SLC27A6: variants seen among roughly 807,000 people sequenced by gnomAD.
SLC27A6 encodes solute carrier family 27 member 6.
SLC27A6 carries 74 observed loss-of-function variants against 63.9 expected under a neutral mutation model. The observed-to-expected ratio is 1.16, with a 90% confidence interval of 0.96 to 1.40. The LOEUF (loss-of-function observed/expected upper bound fraction) is 1.40, where lower values mean the gene tolerates loss of function less well. SLC27A6 is among the 40% of genes most tolerant of loss of function. SLC27A6 has a pLI of 0.00. For missense variants in SLC27A6, 794 were observed against 732.9 expected, an observed-to-expected ratio of 1.08 and a Z score of -0.96; for synonymous variants, 287 against 260.8, an observed-to-expected ratio of 1.10 and a Z score of -0.97.
At chr5:129,020,862 T>A (rs1163671742) in intron 5 of SLC27A6, among the ~76,000 whole-genome samples, 1 of 152,030 alleles carries the variant, frequency 6.6e-6, no homozygotes, top group Non-Finnish European at 1.5e-5. Flanking sequence ...CCCAGGGATG[T>A]CATATGTAAG....
chr5:129,029,952 A>G (rs964795001), intron 9 of SLC27A6, among the ~76,000 whole-genome samples: 1 of 152,004 alleles, frequency 6.6e-6, no homozygotes, highest in Non-Finnish European at 1.5e-5. Context: ...TCAGGACCTC[A>G]GAGCAAAATG....
chr5:129,010,093 C>G (rs1190234033), intron 4 of SLC27A6, among the ~76,000 whole-genome samples: 1 of 152,144 alleles, frequency 6.6e-6, no homozygotes, highest in Non-Finnish European at 1.5e-5. Flanking sequence ...CAAATGTGAA[C>G]AAGATTCTGA....
chr5:129,030,838 G>T (rs76895120), intron 9 of SLC27A6, among the ~76,000 whole-genome samples: 1 of 151,866 alleles, frequency 6.6e-6, no homozygotes, highest in Non-Finnish European at 1.5e-5. Context: ...ATATGTGTGC[G>T]TATATTTTCT....
chr5:128,986,994 A>G (rs1750811664), intron 2 of SLC27A6, among the ~76,000 whole-genome samples: 1 of 152,190 alleles, frequency 6.6e-6, no homozygotes, highest in African/African-American at 2.4e-5. Context: ...TTGTTTAAGA[A>G]GGAACTATAG....
At chr5:129,002,245 G>A (rs1206426691) in intron 4 of SLC27A6, among the ~76,000 whole-genome samples, 1 of 152,210 alleles carries the variant, frequency 6.6e-6, no homozygotes, top group Non-Finnish European at 1.5e-5. Flanking sequence ...ATGTGTGTAT[G>A]CAAACATATA....
In SLC27A6 at chr5:129,018,718, A is replaced by G. The variant is rs549422997; in HGVS notation, c.1164+2639A>G. Among the ~76,000 whole-genome samples the G allele has an allele frequency of 6.6e-5, 10 of 152,188 alleles. No individual in the cohort carries two copies. In the South Asian group the frequency reaches 1.7e-3, roughly 25 times the overall value. On this transcript the variant is annotated intron_variant, in intron 5 of 9. Coordinates refer to ENST00000262462, the MANE Select transcript of SLC27A6 (RefSeq NM_001017372.3). ...GGTATGATGATTTGTATTTTATATT[A>G]CTGACTTTATTATAATTTTCTAATG...
intron 5 of SLC27A6, 41 bp downstream of exon 5, chr5:129,016,120 C>A (rs574902461): frequency 1.4e-6 from 2 of 1,431,648 alleles, no homozygotes; most frequent in Admixed American, 2.2e-5. Context: ...TACATCGGTG[C>A]GGTGGCTCAT....
At chr5:129,021,986 C>G (rs1752089429) in intron 5 of SLC27A6, among the ~76,000 whole-genome samples, 2 of 152,096 alleles carry the variant, frequency 1.3e-5, no homozygotes, top group Non-Finnish European at 2.9e-5. Flanking sequence ...AAAAACAAAG[C>G]ATGTTAAAAC....
At chr5:129,030,193 T>A (rs965072177) in intron 9 of SLC27A6, among the ~76,000 whole-genome samples, 6 of 152,102 alleles carry the variant, frequency 3.9e-5, no homozygotes, top group Middle Eastern at 3.4e-3. Context: ...AAATTCTGAG[T>A]TTATTTATTT....
chr5:129,027,074 T>C (rs1034714403), intron 6 of SLC27A6, 59 bp from the exon 7 acceptor site: 2 of 1,328,282 alleles, frequency 1.5e-6, no homozygotes, highest in Middle Eastern at 1.8e-4. Context: ...GATACATTCA[T>C]GGTGTGTGTA....
chr5:128,997,280 A>G (rs1309735275), intron 4 of SLC27A6, among the ~76,000 whole-genome samples: 2 of 152,158 alleles, frequency 1.3e-5, no homozygotes, highest in Non-Finnish European at 2.9e-5. Context: ...AGACATTTAT[A>G]TATTTTTTAT....
chr5:129,010,297 A>T (rs1751687701), intron 4 of SLC27A6, among the ~76,000 whole-genome samples: 1 of 152,198 alleles, frequency 6.6e-6, no homozygotes, highest in African/African-American at 2.4e-5. Context: ...AAAAAAATAC[A>T]AATTACAAAT....
At chr5:128,993,627 A>T (rs1468216074) in intron 4 of SLC27A6, among the ~76,000 whole-genome samples, 1 of 152,128 alleles carries the variant, frequency 6.6e-6, no homozygotes, top group Non-Finnish European at 1.5e-5. Flanking sequence ...TAATAAAGGT[A>T]TTAATAGTTT....
intron 1 of SLC27A6, among the ~76,000 whole-genome samples, chr5:128,980,902 C>A (rs1188730976): frequency 6.6e-6 from 1 of 152,044 alleles, no homozygotes; most frequent in African/African-American, 2.4e-5. Context: ...ATAACTCATA[C>A]TAATGGCATA....
At position 128,988,744 on chromosome 5, in the gene SLC27A6, G is replaced by A. The variant is rs773725907; in HGVS notation, c.830G>A (p.Gly277Glu). Residue 277 changes from glycine to glutamate, a missense_variant, in exon 3 of 10, where the codon GGA becomes GAA. Transcript: ENST00000262462. ...TCAGCAGCTATCCTGGGAATTTCTG[G>A]ATGTGTTGAGTTGGGTAAGGCTTTA... ...HSSAAILGIS[G>E]CVELGATCVL... The A allele has an allele frequency of 6.2e-7, 1 of 1,612,186 alleles. No individual in the cohort carries two copies. Among genetic ancestry groups the A allele is most frequent in the South Asian group, 1.1e-5 (1 of 90,350 alleles).
rs760790116 is a variant in SLC27A6 at position 128,988,685 on chromosome 5, C to T, written c.771C>T (p.Asp257=). 6.2e-7 allele frequency: 1 copy of T among 1,613,710 alleles called. No homozygotes were observed. ...GGGCTTTTGGTTGTACTGCTCATGA[C>T]ATTGTTTATATAACCCTTCCTCTGT... ...VLWAFGCTAH[D]IVYITLPLYH... The change falls in exon 3 of 10, where the codon GAC becomes GAT. Residue 257 remains aspartate, a synonymous_variant. Transcript: ENST00000262462.
intron 4 of SLC27A6, among the ~76,000 whole-genome samples, chr5:128,991,389 A>C (rs1750977257): frequency 6.6e-6 from 1 of 152,176 alleles, no homozygotes; most frequent in Non-Finnish European, 1.5e-5. Flanking sequence ...TGCGTGCAAT[A>C]CCCCAAGATA....
intron 1 of SLC27A6, among the ~76,000 whole-genome samples, chr5:128,968,588 T>C (rs1750004824): frequency 6.6e-6 from 1 of 152,204 alleles, no homozygotes; most frequent in African/African-American, 2.4e-5. Flanking sequence ...TCATATCCTT[T>C]GCCCACTTTT....
Position 129,023,618 on chromosome 5 carries a change from A to T in SLC27A6, c.1165-2A>T. 2 of 1,569,546 alleles carry T rather than the reference A, an allele frequency of 1.3e-6. No homozygotes were observed. The highest frequency in any genetic ancestry group is 1.4e-5 in the African/African-American group (1 of 72,222). On this transcript the variant is annotated splice_acceptor_variant, in intron 5 of 9. Coordinates refer to ENST00000262462, the MANE Select transcript of SLC27A6 (RefSeq NM_001017372.3). LOFTEE classifies it high-confidence loss of function. ...CTATTTGTTTGATTTTTTTTTTTGCAGCTTCTTTCCACTTTTGACTTAATA... is the reference window on the plus strand; with the variant it reads ...CTATTTGTTTGATTTTTTTTTTTGCTGCTTCTTTCCACTTTTGACTTAATA...
Sources: allele counts gnomAD v4.1 joint callset (sites outside exome capture counted in the v4.1 genomes callset), GRCh38; gene constraint gnomAD v4.1.1; transcripts MANE v1.5; gene names NCBI Gene and HGNC (gene_info 2026-07-23, HGNC 2026-07-21).